Variants in CALN1 observed in about 807,000 individuals in gnomAD.
CALN1 encodes the protein calneuron 1.
A neutral mutation model predicts 30.6 loss-of-function variants in CALN1; 17 were observed. The ratio of observed to expected loss-of-function variants is 0.56; its 90% CI spans 0.38 to 0.83. The LOEUF is 0.83. CALN1 is among the 40% of genes least tolerant of loss of function. CALN1 has a pLI of 0.00. For synonymous variants in CALN1, 156 were observed against 131.4 expected, an observed-to-expected ratio of 1.19 and a Z score of -1.28; for missense variants, 291 against 354.9, an observed-to-expected ratio of 0.82 and a Z score of 1.45.
chr7:71,935,166 A>G (rs1016796114), intron 5 of CALN1, among the ~76,000 whole-genome samples: 1 of 152,128 alleles, frequency 6.6e-6, no homozygotes, highest in African/African-American at 2.4e-5. Context: ...GTAGATGAAA[A>G]AGCTTGAGGG....
At chr7:71,994,900 T>C (rs1416865329) in intron 5 of CALN1, among the ~76,000 whole-genome samples, 1 of 149,646 alleles carries the variant, frequency 6.7e-6, no homozygotes, top group East Asian at 2.0e-4. Context: ...TCCCCCAGGC[T>C]GGAGTGCAGT....
chr7:72,297,310 A>G (rs1301054198), intron 2 of CALN1, among the ~76,000 whole-genome samples: 1 of 147,922 alleles, frequency 6.8e-6, no homozygotes, highest in African/African-American at 2.4e-5. Flanking sequence ...AAATTAAGAA[A>G]ATAGGAAAAA....
intron 2 of CALN1, among the ~76,000 whole-genome samples, chr7:72,351,945 A>G (rs879568942): frequency 6.6e-6 from 1 of 152,282 alleles, no homozygotes; most frequent in Non-Finnish European, 1.5e-5. Context: ...TTCATAAAAG[A>G]TAGACTCTGT....
chr7:72,402,675 G>A (rs557431699), intron 2 of CALN1, among the ~76,000 whole-genome samples: 28 of 152,276 alleles, frequency 1.8e-4, no homozygotes, highest in African/African-American at 5.3e-4. Flanking sequence ...CTGTGGCTTG[G>A]TAGCATAGAA....
chr7:72,115,122 TAATATA>T (rs1280358719), intron 3 of CALN1, among the ~76,000 whole-genome samples: 15 of 147,910 alleles, frequency 1.0e-4, no homozygotes, highest in African/African-American at 2.7e-4. Context: ...ATATATAGTA[TAATATA>T]AATATATAGT....
chr7:72,218,593 T>C (rs1051390151), intron 3 of CALN1, among the ~76,000 whole-genome samples: 2 of 152,214 alleles, frequency 1.3e-5, no homozygotes, highest in East Asian at 1.9e-4. Context: ...CCTGACCATG[T>C]AGAGGACGCC....
At chr7:71,799,008 AC>A (rs778313034) in intron 6 of CALN1, among the ~76,000 whole-genome samples, 21 of 151,840 alleles carry the variant, frequency 1.4e-4, no homozygotes, top group Non-Finnish European at 2.1e-4. Flanking sequence ...CAAGGCTCCC[AC>A]CCCCTGCATT....
chr7:72,382,692 C>T (rs1389718310), intron 2 of CALN1, among the ~76,000 whole-genome samples: 1 of 152,136 alleles, frequency 6.6e-6, no homozygotes, highest in Non-Finnish European at 1.5e-5. Context: ...TTAGCTCCCA[C>T]TTATACATGA....
chr7:72,181,096 A>AACCCC (rs1789755682), intron 3 of CALN1, among the ~76,000 whole-genome samples: 5 of 74,616 alleles, frequency 6.7e-5, no homozygotes, highest in African/African-American at 1.0e-4. Flanking sequence ...AAACTGCATA[A>AACCCC]CCCCCCCCCC....
intron 2 of CALN1, among the ~76,000 whole-genome samples, chr7:72,325,128 C>G (rs1801181420): frequency 6.6e-6 from 1 of 150,898 alleles, no homozygotes; most frequent in Non-Finnish European, 1.5e-5. Context: ...GGTGAAACCC[C>G]GTCTCTACAA....
intron 5 of CALN1, among the ~76,000 whole-genome samples, chr7:72,016,037 TCAGGAGTTCCAGAC>T (rs1210695520): frequency 5.3e-5 from 8 of 151,962 alleles, no homozygotes; most frequent in Non-Finnish European, 1.0e-4. Flanking sequence ...TCACCTGAGG[TCAGGAGTTCCAGAC>T]CAGCCTGGCC....
At chr7:72,284,500 A>T (rs1343544169) in intron 2 of CALN1, among the ~76,000 whole-genome samples, 1 of 126,894 alleles carries the variant, frequency 7.9e-6, no homozygotes, top group East Asian at 2.6e-4. Flanking sequence ...AGTAAAGCAG[A>T]TTCTCCTCCC....
intron 5 of CALN1, among the ~76,000 whole-genome samples, chr7:72,006,591 A>G (rs1364189526): frequency 6.6e-6 from 1 of 152,140 alleles, no homozygotes; most frequent in Non-Finnish European, 1.5e-5. Context: ...TTAAAGAAAA[A>G]GGATGAATGA....
At chr7:71,854,324 C>G (rs1790815837) in intron 5 of CALN1, among the ~76,000 whole-genome samples, 1 of 150,876 alleles carries the variant, frequency 6.6e-6, no homozygotes, top group East Asian at 1.9e-4. Context: ...GGTGACAGAG[C>G]AAGACTCCCT....
intron 2 of CALN1, among the ~76,000 whole-genome samples, chr7:72,396,323 T>C (rs1270406479): frequency 6.9e-6 from 1 of 145,622 alleles, no homozygotes; most frequent in African/African-American, 2.6e-5. Context: ...CTCGGAATGC[T>C]AAGGCAGGAG....
chr7:72,047,330 C>T (rs1381955560), intron 4 of CALN1, among the ~76,000 whole-genome samples: 1 of 152,024 alleles, frequency 6.6e-6, no homozygotes, highest in Non-Finnish European at 1.5e-5. Context: ...GGCTGAGAGT[C>T]GTGGCTACCT....
At chr7:72,271,575 A>AAAAAAAT in intron 3 of CALN1, among the ~76,000 whole-genome samples, 11 of 52,124 alleles carry the variant, frequency 2.1e-4, no homozygotes, top group Admixed American at 3.9e-4. Context: ...AAAAAAAAAA[A>AAAAAAAT]ATATATATAT....
At chr7:72,197,698 G>A (rs1430550521) in intron 3 of CALN1, among the ~76,000 whole-genome samples, 1 of 151,938 alleles carries the variant, frequency 6.6e-6, no homozygotes, top group Non-Finnish European at 1.5e-5. Flanking sequence ...AACAAATAAA[G>A]ATGGAAAATT....
intron 3 of CALN1, among the ~76,000 whole-genome samples, chr7:72,214,990 G>A (rs887682608): frequency 2.0e-5 from 3 of 151,666 alleles, no homozygotes; most frequent in African/African-American, 7.3e-5. Flanking sequence ...ACATGATGAT[G>A]AGTTGTATGA....
Sources: allele counts gnomAD v4.1 joint callset (sites outside exome capture counted in the v4.1 genomes callset), GRCh38; gene constraint gnomAD v4.1.1; transcripts MANE v1.5; gene names NCBI Gene and HGNC (gene_info 2026-07-23, HGNC 2026-07-21).